Variants in SULF1 observed in about 807,000 individuals in gnomAD.
SULF1 encodes the protein sulfatase 1.
In SULF1, 46 loss-of-function variants were observed where a neutral mutation model predicts 110.5. The ratio of observed to expected loss-of-function variants is 0.42; its 90% CI spans 0.33 to 0.53. The LOEUF (loss-of-function observed/expected upper bound fraction) is 0.53, where lower values mean the gene tolerates loss of function less well. Ranked by LOEUF, SULF1 falls within the 20% of genes least tolerant of loss-of-function variation. SULF1 has a pLI of 0.12. For missense variants in SULF1, 941 were observed against 1,094.2 expected (o/e 0.86, Z 1.98); for synonymous variants, 371 against 387.1 (o/e 0.96, Z 0.49).
chr8:69,552,337 A>G (rs1199953731), intron 3 of SULF1, among the ~76,000 whole-genome samples: 1 of 152,192 alleles, frequency 6.6e-6, no homozygotes, highest in African/African-American at 2.4e-5. Flanking sequence ...TCAAAATCTA[A>G]TTGCTAGAAG....
intron 15 of SULF1, 99 bp from the exon 16 acceptor site, chr8:69,627,111 A>T (rs887166422): frequency 7.9e-6 from 7 of 886,508 alleles, no homozygotes; most frequent in African/African-American, 1.7e-5. Context: ...ATGTATCAAC[A>T]TTAAGGATTT....
Position 69,659,358 on chromosome 8 carries a change from T to G in SULF1, c.*823T>G, listed in dbSNP as rs1474070622. On this transcript the variant is annotated 3_prime_UTR_variant, in exon 23 of 23. Transcript: ENST00000402687. ...TACCTTACCCTAAACACAGTATTTC[T>G]TTTTAACTTTTTTATTTGTAAACTA... 1 of 357,618 alleles carries G rather than the reference T, an allele frequency of 2.8e-6. No homozygotes were observed. Among genetic ancestry groups the G allele is most frequent in the Non-Finnish European group, 5.5e-6 (1 of 180,982 alleles). 22.2% of individuals were successfully genotyped at this position (357,618 alleles called of 1,614,324 possible).
chr8:69,581,335 A>G (rs113411654), intron 6 of SULF1, among the ~76,000 whole-genome samples: 20 of 152,312 alleles, frequency 1.3e-4, no homozygotes, highest in African/African-American at 4.6e-4. Flanking sequence ...GTTAGTCACT[A>G]TTGCTGGCTT....
rs191873574 is a variant in SULF1, at chr8:69,635,727, G to A, written c.2285-2775G>A. On this transcript the variant is annotated intron_variant, in intron 19 of 22. Coordinates refer to ENST00000402687, the MANE Select transcript of SULF1 (RefSeq NM_001128205.2). ...CTCTACAAAAAATAAAATATTAGCCGGGTGTGATGGTGCATACCTGTAGTC... is the reference window on the plus strand; with the variant it reads ...CTCTACAAAAAATAAAATATTAGCCAGGTGTGATGGTGCATACCTGTAGTC... 2.7e-3 allele frequency among the ~76,000 whole-genome samples: 411 copies of A among 152,224 alleles called. 2 individuals carry two copies. Among genetic ancestry groups the A allele is most frequent in the Non-Finnish European group, 4.0e-3 (270 of 68,006 alleles).
intron 7 of SULF1, among the ~76,000 whole-genome samples, chr8:69,588,735 A>G (rs1411846404): frequency 1.3e-5 from 2 of 152,084 alleles, no homozygotes; most frequent in Non-Finnish European, 2.9e-5. Flanking sequence ...TAAGTTGTGT[A>G]TTACTTAAAA....
intron 5 of SULF1, among the ~76,000 whole-genome samples, chr8:69,574,950 G>A (rs1473068628): frequency 6.6e-6 from 1 of 152,184 alleles, no homozygotes; most frequent in Admixed American, 6.5e-5. Context: ...TGCCCTGAAT[G>A]CTTGCCTGGT....
intron 3 of SULF1, among the ~76,000 whole-genome samples, chr8:69,511,519 A>G (rs190992422): frequency 6.6e-6 from 1 of 152,352 alleles, no homozygotes; most frequent in East Asian, 1.9e-4. Flanking sequence ...CGAAAGAGTA[A>G]AATAGATCTG....
chr8:69,505,276 CT>C (rs1811107375), intron 3 of SULF1, among the ~76,000 whole-genome samples: 1 of 152,138 alleles, frequency 6.6e-6, no homozygotes, highest in Non-Finnish European at 1.5e-5. Flanking sequence ...GAACAGATTG[CT>C]TTTGTGTATG....
upstream of SULF1, among the ~76,000 whole-genome samples, chr8:69,489,912 T>C (rs1809859420): frequency 6.6e-6 from 1 of 151,948 alleles, no homozygotes; most frequent in East Asian, 1.9e-4. Flanking sequence ...TTCTCTCATT[T>C]CCCCTGGTTT....
chr8:69,621,628 A>G (rs1809618624), intron 14 of SULF1, among the ~76,000 whole-genome samples: 1 of 152,234 alleles, frequency 6.6e-6, no homozygotes, highest in Admixed American at 6.5e-5. Flanking sequence ...AAAATAGTAA[A>G]TACAAGGTTT....
chr8:69,520,777 A>G (rs987956342), intron 3 of SULF1, among the ~76,000 whole-genome samples: 1 of 152,144 alleles, frequency 6.6e-6, no homozygotes. Flanking sequence ...CATAGTTTCC[A>G]TTTGAAATGA....
At chr8:69,583,354 G>A (rs887886910) in intron 6 of SULF1, among the ~76,000 whole-genome samples, 9 of 151,318 alleles carry the variant, frequency 5.9e-5, no homozygotes, top group South Asian at 4.2e-4. Flanking sequence ...GATCACCTGA[G>A]GTCAGGAGTT....
At chr8:69,609,797 A>G (rs539420192) in intron 13 of SULF1, among the ~76,000 whole-genome samples, 3 of 152,320 alleles carry the variant, frequency 2.0e-5, no homozygotes, top group Non-Finnish European at 4.4e-5. Flanking sequence ...CTTATGTTTA[A>G]GTCCCAGCCC....
chr8:69,648,686 C>G (rs16936211), intron 22 of SULF1, among the ~76,000 whole-genome samples: 6,335 of 152,296 alleles, frequency 0.042, 453 homozygotes, highest in African/African-American at 0.15. Flanking sequence ...GAAGAGGCCA[C>G]AGAAGCTGCA....
intron 8 of SULF1, among the ~76,000 whole-genome samples, chr8:69,594,396 G>A (rs1026414619): frequency 2.0e-5 from 3 of 146,690 alleles, no homozygotes; most frequent in African/African-American, 7.9e-5. Context: ...CTGTAAATGT[G>A]TGTGACTGTG....
chr8:69,514,474 C>A (rs1422024830), intron 3 of SULF1, among the ~76,000 whole-genome samples: 4 of 152,206 alleles, frequency 2.6e-5, no homozygotes, highest in Admixed American at 2.6e-4. Flanking sequence ...CACTCAGGAT[C>A]ACAGTTCAAT....
intron 6 of SULF1, among the ~76,000 whole-genome samples, chr8:69,580,582 T>A (rs898452753): frequency 3.3e-5 from 5 of 152,190 alleles, no homozygotes; most frequent in Admixed American, 2.6e-4. Flanking sequence ...AAAGTTACAG[T>A]GTGTTATAAC....
In SULF1 at chr8:69,627,128, T is replaced by C. The variant is rs1810138051; in HGVS notation, c.1851-82T>C. On this transcript the variant is annotated intron_variant, in intron 15 of 22. Transcript: ENST00000402687. Reference sequence around the variant, plus strand: ...GTATCAACATTAAGGATTTTGAGGATTAAAATTTCTCTTTGTTATCTTTAG... The same window carrying C: ...GTATCAACATTAAGGATTTTGAGGACTAAAATTTCTCTTTGTTATCTTTAG... 2.8e-6 allele frequency: 3 copies of C among 1,077,780 alleles called. No homozygotes were observed. The Admixed American group carries it at 6.0e-5, about 21-fold the overall frequency. 66.8% of individuals were successfully genotyped at this position (1,077,780 alleles called of 1,614,324 possible).
Position 69,586,396 on chromosome 8 carries a change from A to G in SULF1, c.452A>G (p.Tyr151Cys). 6.2e-7 allele frequency: 1 copy of G among 1,605,490 alleles called. No homozygotes were observed. Among genetic ancestry groups the G allele is most frequent in the East Asian group, 2.2e-5 (1 of 44,526 alleles). Residue 151 changes from tyrosine (Y) to cysteine (C), a missense_variant, in exon 7 of 23, where the codon TAC (tyrosine) becomes TGC (cysteine). By Grantham distance (194) the Tyr-to-Cys change is radical. Coordinates refer to ENST00000402687, the MANE Select transcript of SULF1 (RefSeq NM_001128205.2). ...TACCTCAATGAATATAATGGCAGCT[A>G]CATCCCCCCTGGGTGGCGAGAATGG... Reference protein sequence around the residue: ...GKYLNEYNGSYIPPGWREWLG... With the variant: ...GKYLNEYNGSCIPPGWREWLG...
Sources: gnomAD v4.1 joint callset for allele counts (sites outside exome capture counted in the v4.1 genomes callset) on GRCh38, gnomAD v4.1.1 for gene constraint, MANE v1.5 for transcripts, NCBI Gene and HGNC (gene_info 2026-07-23, HGNC 2026-07-21) for gene names.